Variants in MAP3K14 observed in about 807,000 individuals in gnomAD.
MAP3K14 encodes the protein NF-kappa-beta-inducing kinase.
MAP3K14 carries 16 observed loss-of-function variants against 99.2 expected under a neutral mutation model. The ratio of observed to expected loss-of-function variants is 0.16; its 90% CI spans 0.11 to 0.24. The LOEUF is 0.24. MAP3K14 is among the 10% of genes least tolerant of loss of function. MAP3K14 has a pLI of 1.00. For synonymous variants in MAP3K14, 462 were observed against 492.4 expected (o/e 0.94, Z 0.82); for missense variants, 784 against 1,208.7 (o/e 0.65, Z 5.21).
At position 45,264,196 on chromosome 17, in the gene MAP3K14, T is replaced by G; in HGVS notation, c.*440A>C. The stretch of plus-strand genomic sequence containing the variant: ...GACCTGGTTCTGCACTGAACCTGAG[T>G]TTGGGCCCTTACACACTTGACACTC... On this transcript the variant is annotated 3_prime_UTR_variant, in exon 16 of 16. Transcript: ENST00000344686. The G allele has an allele frequency of 6.3e-6, 1 of 158,722 alleles. No homozygotes were observed. The highest frequency in any genetic ancestry group is 1.4e-5 in the Non-Finnish European group (1 of 72,300). The allele number at this position is 158,722 out of a possible 1,614,324, so 9.8% of individuals were successfully genotyped here. A position where few individuals can be genotyped will look rare whatever the true frequency, so the allele number is the denominator to read the frequency against.
At chr17:45,303,755 T>G (rs1241869478) in intron 1 of MAP3K14, among the ~76,000 whole-genome samples, 3 of 151,614 alleles carry the variant, frequency 2.0e-5, no homozygotes, top group East Asian at 3.9e-4. Context: ...TTTTTTTTTT[T>G]GTATTTTTAG....
chr17:45,285,364 G>A (rs528367828), intron 5 of MAP3K14, among the ~76,000 whole-genome samples: 1 of 151,526 alleles, frequency 6.6e-6, no homozygotes, highest in African/African-American at 2.4e-5. Flanking sequence ...GGTGGCTCAC[G>A]CCTGTAATCC....
At chr17:45,315,440 G>T (rs2044522860) in intron 1 of MAP3K14, among the ~76,000 whole-genome samples, 1 of 152,078 alleles carries the variant, frequency 6.6e-6, no homozygotes. Flanking sequence ...CTTTTATTTT[G>T]AGATCTTCTG....
chr17:45,296,524 A>G (rs2044347715), intron 1 of MAP3K14, among the ~76,000 whole-genome samples: 1 of 151,740 alleles, frequency 6.6e-6, no homozygotes, highest in Non-Finnish European at 1.5e-5. Context: ...AGGAAAAATA[A>G]AGAAAGAAAG....
intron 13 of MAP3K14, 142 bp from the exon 14 acceptor site, chr17:45,266,823 C>A: frequency 1.1e-6 from 1 of 883,398 alleles, no homozygotes; most frequent in Non-Finnish European, 1.7e-6. Context: ...GGGACGAAGG[C>A]CTGCCTCCCC....
At chr17:45,302,494 G>T (rs1479422992) in intron 1 of MAP3K14, among the ~76,000 whole-genome samples, 2 of 152,172 alleles carry the variant, frequency 1.3e-5, no homozygotes, top group East Asian at 3.9e-4. Context: ...TTTTAGTAGA[G>T]ACCGGGTTTC....
At chr17:45,307,032 C>T (rs930917897) in intron 1 of MAP3K14, among the ~76,000 whole-genome samples, 11 of 152,104 alleles carry the variant, frequency 7.2e-5, no homozygotes, top group African/African-American at 2.2e-4. Context: ...CCCAGGCGGG[C>T]GGACTGCCTG....
chr17:45,314,847 AG>A (rs1226372173), intron 1 of MAP3K14, among the ~76,000 whole-genome samples: 2 of 152,156 alleles, frequency 1.3e-5, no homozygotes, highest in Non-Finnish European at 2.9e-5. Flanking sequence ...CCATTGAGAC[AG>A]GAAAAAAAAT....
chr17:45,311,621 C>T (rs778156971), intron 1 of MAP3K14, among the ~76,000 whole-genome samples: 3 of 152,070 alleles, frequency 2.0e-5, no homozygotes, highest in Non-Finnish European at 4.4e-5. Context: ...AAATCCTGGT[C>T]CTAGAAGTGT....
At chr17:45,303,637 A>G (rs1598264163) in intron 1 of MAP3K14, among the ~76,000 whole-genome samples, 1 of 152,350 alleles carries the variant, frequency 6.6e-6, no homozygotes, top group East Asian at 1.9e-4. Context: ...TAGAAAAAAA[A>G]TCCCGGCACC....
At position 45,286,597 on chromosome 17, in the gene MAP3K14, T is replaced by C; in HGVS notation, c.986A>G (p.Glu329Gly). Residue 329 changes from glutamate to glycine, a missense_variant, in exon 5 of 16, where the codon GAG becomes GGG. Coordinates refer to ENST00000344686, the MANE Select transcript of MAP3K14 (RefSeq NM_003954.5). This position sits in a 1 kb window ranked among gnomAD's most constrained non-coding sequence, Gnocchi z 4.1. ...TAGGTATTCCTCCACAGAAAACTTC[T>C]CATGGGCACCACGAGACAGGCAGCT... ...EPSCLSRGAHEKFSVEEYLVH... is the reference protein window; with the variant it reads ...EPSCLSRGAHGKFSVEEYLVH... 1.2e-6 allele frequency: 2 copies of C among 1,611,528 alleles called. No individual in the cohort carries two copies. The highest frequency in any genetic ancestry group is 1.7e-6 in the Non-Finnish European group (2 of 1,179,004).
chr17:45,273,687 C>A (rs774576237), intron 8 of MAP3K14, 80 bp from the exon 9 acceptor site: 2 of 1,038,764 alleles, frequency 1.9e-6, no homozygotes, highest in Non-Finnish European at 3.0e-6. Flanking sequence ...TTTGGCCTGC[C>A]CTCCAGTGAT....
Position 45,270,396 on chromosome 17 carries a change from C to T in MAP3K14, c.1972+17G>A, listed in dbSNP as rs775830118. ...GTCTTCTGCCCCCCGGGTCAGCCAG[C>T]GTGGGGCTCTTCCTACCTTGCTGTA... is the stretch of plus-strand genomic sequence containing the variant. On this transcript the variant is annotated intron_variant, in intron 11 of 15. Coordinates refer to ENST00000344686, the MANE Select transcript of MAP3K14 (RefSeq NM_003954.5). The T allele has an allele frequency of 4.5e-5, 73 of 1,606,648 alleles. No individual in the cohort carries two copies. Among genetic ancestry groups the T allele is most frequent in the Non-Finnish European group, 5.5e-5 (65 of 1,177,788 alleles).
At chr17:45,308,987 A>C (rs1472755457) in intron 1 of MAP3K14, among the ~76,000 whole-genome samples, 1 of 111,542 alleles carries the variant, frequency 9.0e-6, no homozygotes, top group Non-Finnish European at 1.8e-5. Flanking sequence ...AGTTTAAAAA[A>C]ATTTTTTTTT....
chr17:45,280,909 C>T (rs891096746), intron 6 of MAP3K14, among the ~76,000 whole-genome samples: 1 of 152,158 alleles, frequency 6.6e-6, no homozygotes, highest in Admixed American at 6.5e-5. Context: ...CTGCGCCTGG[C>T]CGACAAACAC....
chr17:45,308,364 C>A (rs115272673), intron 1 of MAP3K14, among the ~76,000 whole-genome samples: 220 of 152,336 alleles, frequency 1.4e-3, no homozygotes, highest in African/African-American at 5.1e-3. Context: ...CCTTGATCTA[C>A]CTGCCTACAA....
intron 11 of MAP3K14, chr17:45,268,187 T>C (rs531916822): frequency 1.2e-5 from 2 of 163,924 alleles, no homozygotes; most frequent in African/African-American, 4.8e-5. Context: ...AGGCACCGTT[T>C]GTTCTGGCAT....
intron 6 of MAP3K14, among the ~76,000 whole-genome samples, chr17:45,275,754 TC>T (rs1567990463): frequency 8.3e-6 from 1 of 120,052 alleles, no homozygotes. Flanking sequence ...TTTTTTCTTT[TC>T]TTTTCTTTTT....
chr17:45,290,359 G>C, intron 2 of MAP3K14, 131 bp downstream of exon 2: 1 of 1,157,608 alleles, frequency 8.6e-7, no homozygotes, highest in Non-Finnish European at 1.2e-6. Context: ...ACAGACCTCT[G>C]GTTGTGTCTC....
Sources: allele counts gnomAD v4.1 joint callset (sites outside exome capture counted in the v4.1 genomes callset), GRCh38; gene constraint gnomAD v4.1.1; non-coding constraint Gnocchi (gnomAD v3.1); transcripts MANE v1.5; gene names NCBI Gene and HGNC (gene_info 2026-07-23, HGNC 2026-07-21).